Variants in SNX31 observed in about 807,000 individuals in gnomAD.
SNX31 encodes sorting nexin-31.
A neutral mutation model predicts 65.4 loss-of-function variants in SNX31; 58 were observed. The observed-to-expected ratio is 0.89, with a 90% CI of 0.72 to 1.10. SNX31 has a LOEUF of 1.10. SNX31 is among the 50% of genes least tolerant of loss of function. SNX31 has a pLI of 0.00. For synonymous variants in SNX31, 181 were observed against 190.1 expected, an observed-to-expected ratio of 0.95 and a Z score of 0.39; for missense variants, 523 against 529.7, an observed-to-expected ratio of 0.99 and a Z score of 0.12.
At chr8:100,646,756 A>C (rs768006408) in intron 2 of SNX31, among the ~76,000 whole-genome samples, 1 of 152,226 alleles carries the variant, frequency 6.6e-6, no homozygotes, top group East Asian at 1.9e-4. Flanking sequence ...GAACCCATAA[A>C]GTTGGGGAAT....
In SNX31 at chr8:100,584,730, ATTTTTC is replaced by A. The variant is rs564364161; in HGVS notation, c.1093-548_1093-543del. Among the ~76,000 whole-genome samples, 316 of 137,618 alleles carry A rather than the reference ATTTTTC, an allele frequency of 2.3e-3. 2 individuals carry two copies. The East Asian group carries it at 0.03, about 13-fold the overall frequency. 90.3% of individuals were successfully genotyped at this position (137,618 alleles called of 152,430 possible). On this transcript the variant is annotated intron_variant, in intron 11 of 13. Transcript: ENST00000311812. ...CTGTTTTTCTTCACTTCACTTTCTTATTTTTCTTTTTCTTTTTCTTTTTTTTTTTTT... is the reference window on the plus strand; with the variant it reads ...CTGTTTTTCTTCACTTCACTTTCTTATTTTTCTTTTTCTTTTTTTTTTTTT...
At position 100,578,861 on chromosome 8, in the gene SNX31, A is replaced by G. The variant is rs1813268527; in HGVS notation, c.1171-1786T>C. On this transcript the variant is annotated intron_variant, in intron 12 of 13. Transcript: ENST00000311812. This position sits in a 1 kb window ranked among gnomAD's most constrained non-coding sequence, Gnocchi z 4.7. ...CTCAGTCTCCCAAGTAGCTAGGAAT[A>G]CAGGTACGCGCCACCATGCCCATCT... Among the ~76,000 whole-genome samples the G allele has an allele frequency of 6.6e-6, 1 of 152,060 alleles. No homozygotes were observed. Among genetic ancestry groups the G allele is most frequent in the Non-Finnish European group, 1.5e-5 (1 of 68,010 alleles).
Position 100,630,473 on chromosome 8 carries a change from C to A in SNX31, c.257-82G>T. 8.6e-7 allele frequency: 1 copy of A among 1,161,550 alleles called. No individual in the cohort carries two copies. Among genetic ancestry groups the A allele is most frequent in the South Asian group, 1.4e-5 (1 of 69,056 alleles). The allele number at this position is 1,161,550 out of a possible 1,614,324, so 72.0% of individuals were successfully genotyped here. ...TAATTGCTATGTCCTCCAGAGATCC[C>A]TCCATGCCTTGCCAGTGCTCTGTCT... On this transcript the variant is annotated intron_variant, in intron 3 of 13. Transcript: ENST00000311812. This position sits in a 1 kb window ranked among gnomAD's most constrained non-coding sequence, Gnocchi z 5.3.
intron 1 of SNX31, among the ~76,000 whole-genome samples, chr8:100,661,208 G>A (rs1809782086): frequency 1.3e-5 from 2 of 152,132 alleles, no homozygotes; most frequent in Non-Finnish European, 2.9e-5. Flanking sequence ...GTTTCACCAT[G>A]TTGGCCAGGC....
chr8:100,595,301 G>A (rs181331829), intron 10 of SNX31, among the ~76,000 whole-genome samples: 2 of 150,282 alleles, frequency 1.3e-5, no homozygotes, highest in African/African-American at 2.5e-5. Context: ...TGCGGAGATA[G>A]AGGGAATTTG....
intron 9 of SNX31, among the ~76,000 whole-genome samples, chr8:100,599,384 A>G (rs911985950): frequency 6.6e-6 from 1 of 152,122 alleles, no homozygotes; most frequent in Admixed American, 6.6e-5. Flanking sequence ...TAACAGCAAT[A>G]TTCTATCCAT....
At position 100,610,926 on chromosome 8, in the gene SNX31, C is replaced by T. The variant is rs183479215; in HGVS notation, c.611+1074G>A. On this transcript the variant is annotated intron_variant, in intron 7 of 13. Coordinates refer to ENST00000311812, the MANE Select transcript of SNX31 (RefSeq NM_152628.4). This position sits in a 1 kb window ranked among gnomAD's most constrained non-coding sequence, Gnocchi z 4.0. ...ACAGAATAAATGGGCTGGGAGAGAG[C>T]GAGCCTAAGGAGCAATCCCCTGCAG... Among the ~76,000 whole-genome samples, 43 of 152,182 alleles carry T rather than the reference C, an allele frequency of 2.8e-4. No homozygotes were observed. The East Asian group carries it at 5.8e-3, about 20-fold the overall frequency.
At chr8:100,645,779 T>G (rs1482587798) in intron 2 of SNX31, among the ~76,000 whole-genome samples, 1 of 152,002 alleles carries the variant, frequency 6.6e-6, no homozygotes, top group Non-Finnish European at 1.5e-5. Context: ...CTGGCTAATT[T>G]TTTGTATTTT....
chr8:100,597,271 TC>T (rs1382989722), intron 9 of SNX31, among the ~76,000 whole-genome samples: 1 of 151,792 alleles, frequency 6.6e-6, no homozygotes. Flanking sequence ...AGACGGAGTC[TC>T]GTTCTATCAC....
upstream of SNX31, among the ~76,000 whole-genome samples, chr8:100,651,913 G>A (rs1180774160): frequency 6.6e-6 from 1 of 152,252 alleles, no homozygotes; most frequent in African/African-American, 2.4e-5. Flanking sequence ...GCTCTGTGAA[G>A]CTGCTTTTCA....
intron 12 of SNX31, chr8:100,582,511 C>T (rs959150842): frequency 6.6e-6 from 1 of 151,998 alleles, no homozygotes; most frequent in Non-Finnish European, 1.5e-5. Flanking sequence ...GTTCAGTCAC[C>T]AAGAGGCAGT....
Position 100,630,039 on chromosome 8 carries a change from T to C in SNX31, c.321+288A>G, listed in dbSNP as rs1013627235. Among the ~76,000 whole-genome samples, 8 of 152,228 alleles carry C rather than the reference T, an allele frequency of 5.3e-5. No individual in the cohort carries two copies. Among genetic ancestry groups the C allele is most frequent in the Admixed American group, 5.2e-4 (8 of 15,284 alleles). ...GTACTGTACTTGAAGGTCCTCTTCT[T>C]CATGTCCTGTTTTGAGATGTATGAT... On this transcript the variant is annotated intron_variant, in intron 4 of 13. Coordinates refer to ENST00000311812, the MANE Select transcript of SNX31 (RefSeq NM_152628.4). This position sits in a 1 kb window ranked among gnomAD's most constrained non-coding sequence, Gnocchi z 5.3.
upstream of SNX31, chr8:100,663,536 T>C (rs533340974): frequency 6.6e-6 from 1 of 150,646 alleles, no homozygotes; most frequent in Admixed American, 6.6e-5. Flanking sequence ...GCAGTCACAG[T>C]GGAGCCCTCT....
At position 100,629,024 on chromosome 8, in the gene SNX31, T is replaced by C. The variant is rs1249935862; in HGVS notation, c.321+1303A>G. On this transcript the variant is annotated intron_variant, in intron 4 of 13. Coordinates refer to ENST00000311812, the MANE Select transcript of SNX31 (RefSeq NM_152628.4). This position sits in a 1 kb window ranked among gnomAD's most constrained non-coding sequence, Gnocchi z 5.1. ...TACAGTAACATAGTATACAGGTTTG[T>C]AGCCTAGGGGCAGTAGGCTCTACCA... Among the ~76,000 whole-genome samples the C allele has an allele frequency of 6.6e-6, 1 of 152,206 alleles. No individual in the cohort carries two copies. Among genetic ancestry groups the C allele is most frequent in the East Asian group, 1.9e-4 (1 of 5,202 alleles).
intron 10 of SNX31, among the ~76,000 whole-genome samples, chr8:100,593,542 C>G (rs1423833997): frequency 6.6e-6 from 1 of 152,100 alleles, no homozygotes; most frequent in Non-Finnish European, 1.5e-5. Context: ...CAACCTCCCC[C>G]TCCCAGACTC....
intron 13 of SNX31, among the ~76,000 whole-genome samples, chr8:100,574,970 T>A (rs903123466): frequency 1.3e-5 from 2 of 152,148 alleles, no homozygotes; most frequent in African/African-American, 4.8e-5. Flanking sequence ...TTTTAAAACA[T>A]TTTAGAGGTT....
chr8:100,596,143 T>C (rs1241566562), intron 10 of SNX31, among the ~76,000 whole-genome samples: 2 of 152,190 alleles, frequency 1.3e-5, no homozygotes, highest in African/African-American at 2.4e-5. Flanking sequence ...TGGGGTCTTA[T>C]AGGCTGAATT....
intron 12 of SNX31, among the ~76,000 whole-genome samples, chr8:100,577,835 G>A (rs74505112): frequency 0.035 from 5,333 of 152,148 alleles, 298 homozygotes; most frequent in African/African-American, 0.12. Context: ...GACCCAGCAG[G>A]TTCCAACATG....
intron 10 of SNX31, among the ~76,000 whole-genome samples, chr8:100,590,685 G>A (rs1814490016): frequency 6.6e-6 from 1 of 152,156 alleles, no homozygotes; most frequent in Non-Finnish European, 1.5e-5. Context: ...GGGAGGCTGA[G>A]GCAGGATAAT....
Sources: gnomAD v4.1 joint callset for allele counts (sites outside exome capture counted in the v4.1 genomes callset) on GRCh38, gnomAD v4.1.1 for gene constraint, Gnocchi (gnomAD v3.1) non-coding constraint, MANE v1.5 for transcripts, NCBI Gene and HGNC (gene_info 2026-07-23, HGNC 2026-07-21) for gene names.